Variants in PCDHGA1 observed in about 807,000 individuals in gnomAD.
PCDHGA1 encodes the protein protocadherin gamma-A1.
Under a neutral mutation model 58.0 loss-of-function variants are expected in PCDHGA1, and 32 were observed. The observed-to-expected ratio is 0.55, with a 90% CI of 0.42 to 0.74. The LOEUF (loss-of-function observed/expected upper bound fraction) is 0.74, where lower values mean the gene tolerates loss of function less well. Among genes scored for constraint, PCDHGA1 ranks in the 30% least tolerant of loss-of-function variants. The pLI is 0.00. For missense variants in PCDHGA1, 1,205 were observed against 1,182.3 expected, an observed-to-expected ratio of 1.02 and a Z score of -0.28; for synonymous variants, 498 against 501.1, an observed-to-expected ratio of 0.99 and a Z score of 0.08.
chr5:141,361,611 A>T, intron 1 of PCDHGA1: 2 of 1,613,948 alleles, frequency 1.2e-6, no homozygotes, highest in Non-Finnish European at 1.7e-6. Context: ...ACTCCATCGT[A>T]GCGAGCGACC....
Position 141,487,856 on chromosome 5 carries a change from T to C in PCDHGA1, c.2422-6951T>C. The C allele has an allele frequency of 2.0e-6, 2 of 977,364 alleles. No homozygotes were observed. The highest frequency in any genetic ancestry group is 3.0e-6 in the Non-Finnish European group (2 of 671,858). 60.5% of individuals were successfully genotyped at this position (977,364 alleles called of 1,614,324 possible). A position where few individuals can be genotyped will look rare whatever the true frequency, so the allele number is the denominator to read the frequency against. Reference sequence around the variant, plus strand: ...ATATCTGAGTAAGAAATGAAAGTAATTGGTGATCAAGAGCCAGGCTGTTGT... The same window carrying C: ...ATATCTGAGTAAGAAATGAAAGTAACTGGTGATCAAGAGCCAGGCTGTTGT... On this transcript the variant is annotated intron_variant, in intron 1 of 3. Transcript: ENST00000517417. The surrounding 1 kb of genome is among the most constrained non-coding windows in gnomAD (Gnocchi z 5.0).
chr5:141,455,448 C>T (rs1403500578), intron 1 of PCDHGA1, among the ~76,000 whole-genome samples: 1 of 152,112 alleles, frequency 6.6e-6, no homozygotes, highest in African/African-American at 2.4e-5. Context: ...CCATCTACCG[C>T]GGATACCAGC....
intron 1 of PCDHGA1, chr5:141,411,714 G>C (rs889829564): frequency 6.6e-6 from 1 of 152,420 alleles, no homozygotes; most frequent in Middle Eastern, 3.1e-3. Context: ...AGACTCCATC[G>C]CTACAGAACA....
At chr5:141,441,499 GCCT>G (rs1350774469) in intron 1 of PCDHGA1, 5 of 169,932 alleles carry the variant, frequency 2.9e-5, no homozygotes, top group African/African-American at 1.2e-4. Context: ...TTTCTACCAG[GCCT>G]CCTACGTCGT....
At chr5:141,369,758 C>T (rs1027847213) in intron 1 of PCDHGA1, among the ~76,000 whole-genome samples, 1 of 152,184 alleles carries the variant, frequency 6.6e-6, no homozygotes, top group African/African-American at 2.4e-5. Context: ...TAAGAATACA[C>T]GTGAAGCTGA....
intron 1 of PCDHGA1, chr5:141,370,526 C>A: frequency 1.2e-6 from 2 of 1,613,860 alleles, no homozygotes; most frequent in Non-Finnish European, 8.5e-7. Flanking sequence ...TGGACAGGGG[C>A]TCGCTGGTAG....
intron 1 of PCDHGA1, chr5:141,389,305 C>T: frequency 6.2e-7 from 1 of 1,614,004 alleles, no homozygotes; most frequent in Non-Finnish European, 8.5e-7. Flanking sequence ...CAAGTCAGGG[C>T]TTCTGATCCG....
At chr5:141,417,941 A>T (rs1319967892) in intron 1 of PCDHGA1, 1 of 1,612,890 alleles carries the variant, frequency 6.2e-7, no homozygotes, top group South Asian at 1.1e-5. Context: ...GTTCTACCCC[A>T]CGCTGTGTGA....
At position 141,337,857 on chromosome 5, in the gene PCDHGA1, C is replaced by CA. The variant is rs533452783; in HGVS notation, c.2421+4754dup. On this transcript the variant is annotated intron_variant, in intron 1 of 3. Coordinates refer to ENST00000517417, the MANE Select transcript of PCDHGA1 (RefSeq NM_018912.3). ...AATGAATATCAGAAAAAGAACTTGA[C>CA]AACCTCAAACAATTTTGAGTGACTG... Among the ~76,000 whole-genome samples, 611 of 152,354 alleles carry CA rather than the reference C, an allele frequency of 4.0e-3. 5 individuals carry two copies. Among genetic ancestry groups the CA allele is most frequent in the Admixed American group, 0.011 (169 of 15,298 alleles).
intron 1 of PCDHGA1, chr5:141,387,741 G>T: frequency 1.5e-6 from 2 of 1,332,868 alleles, no homozygotes; most frequent in Non-Finnish European, 2.0e-6. Context: ...CCTTTACACC[G>T]CTTCCTCCTC....
In PCDHGA1 at chr5:141,356,633, A is replaced by T. The variant is rs778939547; in HGVS notation, c.2421+23528A>T. 26 of 1,613,986 alleles carry T rather than the reference A, an allele frequency of 1.6e-5. No individual in the cohort carries two copies. The South Asian group carries it at 2.7e-4, about 17-fold the overall frequency. ...TCCATCTTATCTATGACTGCTCAAGACCCTGACAGTGGTGACAATGCCCGA... is the reference window on the plus strand; with the variant it reads ...TCCATCTTATCTATGACTGCTCAAGTCCCTGACAGTGGTGACAATGCCCGA... On this transcript the variant is annotated intron_variant, in intron 1 of 3. Transcript: ENST00000517417.
At chr5:141,351,550 C>A (rs1173991946) in intron 1 of PCDHGA1, 3 of 1,613,940 alleles carry the variant, frequency 1.9e-6, no homozygotes, top group Non-Finnish European at 2.5e-6. Flanking sequence ...CCCTTTCCTC[C>A]AGGACAAGCA....
chr5:141,352,503 A>T, intron 1 of PCDHGA1: 1 of 1,613,992 alleles, frequency 6.2e-7, no homozygotes, highest in South Asian at 1.1e-5. Context: ...CCCTATTCCT[A>T]CAATCTATGT....
intron 1 of PCDHGA1, chr5:141,383,806 A>C: frequency 6.2e-7 from 1 of 1,614,006 alleles, no homozygotes; most frequent in Non-Finnish European, 8.5e-7. Context: ...AGAAATATCA[A>C]CTTTAGAAGG....
intron 1 of PCDHGA1, among the ~76,000 whole-genome samples, chr5:141,353,089 A>G (rs1464341115): frequency 6.6e-6 from 1 of 151,992 alleles, no homozygotes; most frequent in African/African-American, 2.4e-5. Flanking sequence ...CTACTGCGGG[A>G]GGGGGTACTA....
intron 1 of PCDHGA1, among the ~76,000 whole-genome samples, chr5:141,347,664 G>A (rs1036942493): frequency 5.9e-5 from 9 of 151,908 alleles, no homozygotes; most frequent in African/African-American, 2.2e-4. Flanking sequence ...GTGGGCGCCT[G>A]TAATCCAAGC....
chr5:141,432,073 C>T lies in PCDHGA1; in HGVS notation c.2422-62734C>T, dbSNP rs1276949951. On this transcript the variant is annotated intron_variant, in intron 1 of 3. Transcript: ENST00000517417. This position sits in a 1 kb window ranked among gnomAD's most constrained non-coding sequence, Gnocchi z 6.0. ...CGCCCCTATCCACGGAAACTCATAT[C>T]TCGCTGAACGTGGCAGACACCAACG... is the stretch of plus-strand genomic sequence containing the variant. 3.1e-6 allele frequency: 5 copies of T among 1,614,208 alleles called. No homozygotes were observed. Among genetic ancestry groups the T allele is most frequent in the Non-Finnish European group, 4.2e-6 (5 of 1,180,040 alleles).
At chr5:141,446,718 C>T (rs1279970040) in intron 1 of PCDHGA1, among the ~76,000 whole-genome samples, 4 of 152,174 alleles carry the variant, frequency 2.6e-5, no homozygotes, top group South Asian at 2.1e-4. Flanking sequence ...CTGCCCGCCT[C>T]GGCCTCCCAA....
chr5:141,370,759 T>A, intron 1 of PCDHGA1: 1 of 1,614,022 alleles, frequency 6.2e-7, no homozygotes, highest in Non-Finnish European at 8.5e-7. Context: ...GTAACTGTGC[T>A]GATCCAGGAT....
Sources: gnomAD v4.1 joint callset for allele counts (sites outside exome capture counted in the v4.1 genomes callset) on GRCh38, gnomAD v4.1.1 for gene constraint, Gnocchi (gnomAD v3.1) non-coding constraint, MANE v1.5 for transcripts, NCBI Gene and HGNC (gene_info 2026-07-23, HGNC 2026-07-21) for gene names.